ADAM12: variants seen among roughly 807,000 people sequenced by gnomAD.
The protein encoded by ADAM12 is ADAM metallopeptidase domain 12, also known as disintegrin and metalloproteinase domain-containing protein 12.
Under a neutral mutation model 106.4 loss-of-function variants are expected in ADAM12, and 70 were observed. The observed-to-expected ratio is 0.66, with a 90% confidence interval of 0.54 to 0.80. The LOEUF (loss-of-function observed/expected upper bound fraction) is 0.80, where lower values mean the gene tolerates loss of function less well. Among genes scored for constraint, ADAM12 ranks in the 30% least tolerant of loss-of-function variants. The pLI, the probability that ADAM12 is intolerant of heterozygous loss-of-function variation, is 0.00. For synonymous variants in ADAM12, 420 were observed against 433.5 expected, an observed-to-expected ratio of 0.97 and a Z score of 0.39; for missense variants, 1,010 against 1,171.9, an observed-to-expected ratio of 0.86 and a Z score of 2.02.
intron 3 of ADAM12, among the ~76,000 whole-genome samples, chr10:126,170,399 G>A (rs1682890324): frequency 6.6e-6 from 1 of 151,340 alleles, no homozygotes; most frequent in Non-Finnish European, 1.5e-5. Flanking sequence ...AAATGTGCCT[G>A]GATTTTGAAA....
rs143521109 is a variant in ADAM12 at position 126,262,271 on chromosome 10, A to G, written c.260+16644T>C. Among the ~76,000 whole-genome samples, 115 of 152,252 alleles carry G rather than the reference A, an allele frequency of 7.6e-4. 1 individual carries two copies. The highest frequency in any genetic ancestry group is 2.7e-3 in the African/African-American group (112 of 41,542). On this transcript the variant is annotated intron_variant, in intron 3 of 22. Coordinates refer to ENST00000448723, the MANE Select transcript of ADAM12 (RefSeq NM_001288973.2). ...CATTCTGAGAAATCCTACTTTTTAT[A>G]TAGTATTTGTGTTGGTTTTCACTAT...
intron 2 of ADAM12, among the ~76,000 whole-genome samples, chr10:126,296,546 G>A (rs1467701893): frequency 1.3e-5 from 2 of 152,144 alleles, no homozygotes; most frequent in African/African-American, 2.4e-5. Context: ...TGTTCCCTCA[G>A]CTGTTCTCCC....
At chr10:126,292,542 C>T (rs940240665) in intron 2 of ADAM12, among the ~76,000 whole-genome samples, 3 of 152,298 alleles carry the variant, frequency 2.0e-5, no homozygotes, top group Middle Eastern at 3.4e-3. Context: ...GGGTACAAAG[C>T]CAAGGTTCCT....
chr10:126,050,092 T>C (rs560820663), intron 14 of ADAM12, among the ~76,000 whole-genome samples: 4 of 152,296 alleles, frequency 2.6e-5, no homozygotes, highest in African/African-American at 9.6e-5. Context: ...GGTGAGGAAA[T>C]GCAAGCCAGG....
chr10:126,244,327 T>C (rs1380181993), intron 3 of ADAM12, among the ~76,000 whole-genome samples: 3 of 152,264 alleles, frequency 2.0e-5, no homozygotes, highest in African/African-American at 7.2e-5. Flanking sequence ...GACCACACAG[T>C]GCACTGCCGG....
intron 21 of ADAM12, among the ~76,000 whole-genome samples, chr10:126,022,436 A>C (rs1953786007): frequency 6.6e-6 from 1 of 152,174 alleles, no homozygotes; most frequent in Non-Finnish European, 1.5e-5. Context: ...CCTAGGTAAG[A>C]TGCTGGCTTC....
At chr10:126,152,258 A>G (rs1202543440) in intron 4 of ADAM12, among the ~76,000 whole-genome samples, 1 of 152,026 alleles carries the variant, frequency 6.6e-6, no homozygotes, top group Non-Finnish European at 1.5e-5. Context: ...GTTTTAGCCC[A>G]TAATGTCTAA....
At chr10:126,312,095 C>T (rs1187051116) in intron 2 of ADAM12, among the ~76,000 whole-genome samples, 2 of 142,232 alleles carry the variant, frequency 1.4e-5, no homozygotes, top group Admixed American at 7.4e-5. Context: ...GTAGGACACC[C>T]AACTGGTGTC....
intron 3 of ADAM12, among the ~76,000 whole-genome samples, chr10:126,229,065 AC>A (rs1473327283): frequency 6.6e-6 from 1 of 152,194 alleles, no homozygotes. Flanking sequence ...ACCTGAGATG[AC>A]CACGCTAATG....
intron 3 of ADAM12, among the ~76,000 whole-genome samples, chr10:126,249,707 AC>A (rs781083388): frequency 6.6e-6 from 1 of 152,160 alleles, no homozygotes; most frequent in Non-Finnish European, 1.5e-5. Context: ...AAAAAGAAAA[AC>A]AAAAAGAAAA....
At chr10:126,308,875 T>C (rs1201916099) in intron 2 of ADAM12, among the ~76,000 whole-genome samples, 1 of 152,176 alleles carries the variant, frequency 6.6e-6, no homozygotes, top group African/African-American at 2.4e-5. Context: ...ATCTTATCCC[T>C]TACCAGTCCA....
At chr10:126,148,207 G>A (rs1248721130) in intron 4 of ADAM12, among the ~76,000 whole-genome samples, 2 of 152,136 alleles carry the variant, frequency 1.3e-5, no homozygotes, top group African/African-American at 2.4e-5. Flanking sequence ...ACCAATTGTT[G>A]AGATATTTAA....
intron 2 of ADAM12, among the ~76,000 whole-genome samples, chr10:126,306,643 T>C (rs912759178): frequency 3.9e-5 from 6 of 152,218 alleles, no homozygotes; most frequent in African/African-American, 1.2e-4. Context: ...TTCTCCCAGT[T>C]TGAATTCTGC....
rs1475899018 is a variant in ADAM12, at chr10:126,388,009, G to A, written c.88+49C>T. On this transcript the variant is annotated intron_variant, in intron 1 of 22. Transcript: ENST00000448723. The surrounding 1 kb of genome is among the most constrained non-coding windows in gnomAD (Gnocchi z 4.4). ...CTCGGCGCGCCCAGGCGCAGCGTGC[G>A]GTGCCCTCGGCGGGGCGGGCAGCGA... 2 of 1,194,032 alleles carry A rather than the reference G, an allele frequency of 1.7e-6. No individual in the cohort carries two copies. Among genetic ancestry groups the A allele is most frequent in the South Asian group, 4.2e-5 (1 of 24,058 alleles). 74.0% of individuals were successfully genotyped at this position (1,194,032 alleles called of 1,614,324 possible).
intron 1 of ADAM12, among the ~76,000 whole-genome samples, chr10:126,381,865 C>A (rs1232886586): frequency 6.6e-6 from 1 of 151,508 alleles, no homozygotes; most frequent in East Asian, 1.9e-4. Flanking sequence ...GTCCCAGCTA[C>A]TAGGGAGGCT....
intron 9 of ADAM12, among the ~76,000 whole-genome samples, chr10:126,100,807 G>A (rs953665569): frequency 1.3e-5 from 2 of 152,166 alleles, no homozygotes; most frequent in Non-Finnish European, 1.5e-5. Flanking sequence ...TGGTATAGAA[G>A]AAAATGTCCG....
At chr10:126,105,125 G>C (rs1955740214) in intron 8 of ADAM12, among the ~76,000 whole-genome samples, 1 of 152,144 alleles carries the variant, frequency 6.6e-6, no homozygotes, top group Non-Finnish European at 1.5e-5. Context: ...AGAAACACAA[G>C]GACAGCCAGG....
intron 3 of ADAM12, among the ~76,000 whole-genome samples, chr10:126,243,937 G>A (rs1023297346): frequency 1.3e-5 from 2 of 152,106 alleles, no homozygotes; most frequent in African/African-American, 2.4e-5. Context: ...AAATCAGTTC[G>A]GAAAAGATTT....
At position 126,356,496 on chromosome 10, in the gene ADAM12, T is replaced by C. The variant is rs143889236; in HGVS notation, c.89-25987A>G. Among the ~76,000 whole-genome samples, 121 of 152,320 alleles carry C rather than the reference T, an allele frequency of 7.9e-4. 1 individual carries two copies. The South Asian group carries it at 0.015, about 19-fold the overall frequency. ...CAGGCTAGACTAAATAGTAAAGGTG[T>C]ATTTCTGCCAAAGAACACCTGTAAC... On this transcript the variant is annotated intron_variant, in intron 1 of 22. Transcript: ENST00000448723.
Sources: allele counts gnomAD v4.1 joint callset (sites outside exome capture counted in the v4.1 genomes callset), GRCh38; gene constraint gnomAD v4.1.1; non-coding constraint Gnocchi (gnomAD v3.1); transcripts MANE v1.5; gene names NCBI Gene and HGNC (gene_info 2026-07-23, HGNC 2026-07-21).